FER1L6: variants seen among roughly 807,000 people sequenced by gnomAD.
FER1L6 encodes the protein fer-1-like protein 6.
Under a neutral mutation model 219.2 loss-of-function variants are expected in FER1L6, and 177 were observed. The ratio of observed to expected loss-of-function variants is 0.81; its 90% CI spans 0.71 to 0.91. The LOEUF (loss-of-function observed/expected upper bound fraction) is 0.91. Ranked by LOEUF, FER1L6 falls within the 40% of genes least tolerant of loss-of-function variation. The pLI, the probability that FER1L6 is intolerant of heterozygous loss-of-function variation, is 0.00. For synonymous variants in FER1L6, 768 were observed against 824.3 expected (o/e 0.93, Z 1.17); for missense variants, 2,153 against 2,259.9 (o/e 0.95, Z 0.96).
chr8:123,877,849 AAAG>A (rs1207711192), intron 1 of FER1L6, among the ~76,000 whole-genome samples: 1 of 152,160 alleles, frequency 6.6e-6, no homozygotes, highest in African/African-American at 2.4e-5. Context: ...CACTATGAAA[AAAG>A]AATCACCAGC....
At chr8:123,909,145 G>C (rs759627163) in intron 1 of FER1L6, among the ~76,000 whole-genome samples, 3 of 152,134 alleles carry the variant, frequency 2.0e-5, no homozygotes, top group Non-Finnish European at 4.4e-5. Context: ...TATAACAGTG[G>C]GATCCAAATC....
chr8:124,055,571 A>G (rs899948364), intron 22 of FER1L6, among the ~76,000 whole-genome samples: 6 of 151,986 alleles, frequency 3.9e-5, no homozygotes, highest in Non-Finnish European at 7.4e-5. Context: ...CGTTTCCCCT[A>G]CTTTTATAAT....
Position 124,076,248 on chromosome 8 carries a change from T to C in FER1L6, c.4143T>C (p.Ile1381=). The C allele has an allele frequency of 6.2e-7, 1 of 1,614,064 alleles. No homozygotes were observed. The highest frequency in any genetic ancestry group is 8.5e-7 in the Non-Finnish European group (1 of 1,179,942). The change falls in exon 32 of 41, where the codon ATT becomes ATC. Residue 1381 remains isoleucine, a synonymous_variant. Transcript: ENST00000522917. ...CAGATGGCAAATCAGATCCCTACAT[T>C]GTGATCAAGCTTGGCAAGACAGAAA... is the stretch of plus-strand genomic sequence containing the variant. The part of the protein sequence containing the change: ...ADPDGKSDPY[I]VIKLGKTEIK...
In FER1L6 at chr8:123,972,861, C is replaced by T. The variant is rs190747278; in HGVS notation, c.448-573C>T. Among the ~76,000 whole-genome samples, 828 of 152,330 alleles carry T rather than the reference C, an allele frequency of 5.4e-3. 5 individuals carry two copies. The highest frequency in any genetic ancestry group is 8.2e-3 in the Non-Finnish European group (558 of 68,034). On this transcript the variant is annotated intron_variant, in intron 6 of 40. Transcript: ENST00000522917. ...CAACCTGGCACCAGCTCTGCACCTTCCTTTAGAACTTCCTCATCTTGAGAG... is the reference window on the plus strand; with the variant it reads ...CAACCTGGCACCAGCTCTGCACCTTTCTTTAGAACTTCCTCATCTTGAGAG...
intron 34 of FER1L6, among the ~76,000 whole-genome samples, chr8:124,094,593 C>T (rs1822193045): frequency 6.6e-6 from 1 of 152,146 alleles, no homozygotes; most frequent in African/African-American, 2.4e-5. Flanking sequence ...TCAAGCGATT[C>T]TCCTGCCTCA....
At chr8:123,903,317 A>G (rs1486003592) in intron 1 of FER1L6, among the ~76,000 whole-genome samples, 1 of 152,216 alleles carries the variant, frequency 6.6e-6, no homozygotes, top group South Asian at 2.1e-4. Context: ...TGGTATTTCC[A>G]TTTACAAAAT....
intron 2 of FER1L6, among the ~76,000 whole-genome samples, chr8:123,957,514 T>C (rs553656442): frequency 2.0e-5 from 3 of 152,322 alleles, no homozygotes; most frequent in African/African-American, 7.2e-5. Context: ...TCTCTGCTGC[T>C]TTTTCTTAAC....
chr8:124,117,107 G>A (rs1218074019), intron 39 of FER1L6, among the ~76,000 whole-genome samples: 1 of 152,210 alleles, frequency 6.6e-6, no homozygotes, highest in East Asian at 1.9e-4. Context: ...AAGTTGGGAG[G>A]CAGCCTGCTA....
chr8:123,888,153 G>A (rs990545354), intron 1 of FER1L6, among the ~76,000 whole-genome samples: 8 of 151,268 alleles, frequency 5.3e-5, no homozygotes, highest in African/African-American at 1.9e-4. Flanking sequence ...GTCTCACTCT[G>A]TCTCCCATGT....
intron 39 of FER1L6, among the ~76,000 whole-genome samples, chr8:124,104,884 T>C (rs974865639): frequency 2.0e-5 from 3 of 152,204 alleles, no homozygotes; most frequent in African/African-American, 7.2e-5. Flanking sequence ...GAGCTTCTAT[T>C]AAATGATAGG....
At chr8:124,030,683 C>T (rs1818919996) in intron 18 of FER1L6, among the ~76,000 whole-genome samples, 1 of 152,148 alleles carries the variant, frequency 6.6e-6, no homozygotes, top group African/African-American at 2.4e-5. Flanking sequence ...TCCTGTTCTC[C>T]AGGTTCCAGC....
At position 123,977,426 on chromosome 8, in the gene FER1L6, A is replaced by G. The variant is rs1192963006; in HGVS notation, c.880A>G (p.Thr294Ala). The change falls in exon 10 of 41, where the codon ACA (threonine) becomes GCA (alanine). Residue 294 changes from threonine to alanine, a missense_variant. Physicochemically the swap from Thr to Ala is moderately conservative, Grantham distance 58. Coordinates refer to ENST00000522917, the MANE Select transcript of FER1L6 (RefSeq NM_001039112.2). ...CTGGCTGTGTTTTTAGGGGCGAACC[A>G]CAGTGCAGAAGAACTGTGCTGATCC... Reference protein sequence around the residue: ...VSFAGQMGRTTVQKNCADPVW... With the variant: ...VSFAGQMGRTAVQKNCADPVW... 1 of 1,613,416 alleles carries G rather than the reference A, an allele frequency of 6.2e-7. No individual in the cohort carries two copies. Among genetic ancestry groups the G allele is most frequent in the African/African-American group, 1.3e-5 (1 of 75,002 alleles).
rs537221595 is a variant in FER1L6 at position 123,977,240 on chromosome 8, G to A, written c.871-177G>A. Among the ~76,000 whole-genome samples, 7 of 152,340 alleles carry A rather than the reference G, an allele frequency of 4.6e-5. No homozygotes were observed. In the East Asian group the frequency reaches 1.3e-3, roughly 29 times the overall value. On this transcript the variant is annotated intron_variant, in intron 9 of 40. Coordinates refer to ENST00000522917, the MANE Select transcript of FER1L6 (RefSeq NM_001039112.2). ...GACTTTGTCTCAGATACCTGGCACGGTGTCCAGCATAGAGCAGGTCATCAG... is the reference window on the plus strand; with the variant it reads ...GACTTTGTCTCAGATACCTGGCACGATGTCCAGCATAGAGCAGGTCATCAG...
At chr8:123,906,229 C>A (rs1202784063) in intron 1 of FER1L6, among the ~76,000 whole-genome samples, 1 of 152,100 alleles carries the variant, frequency 6.6e-6, no homozygotes, top group Non-Finnish European at 1.5e-5. Context: ...TCTTGGCCAA[C>A]CTTCAGTTGG....
At chr8:123,957,166 ATATGT>A (rs1187205484) in intron 2 of FER1L6, among the ~76,000 whole-genome samples, 1 of 152,220 alleles carries the variant, frequency 6.6e-6, no homozygotes, top group African/African-American at 2.4e-5. Flanking sequence ...TCCTGTAGCC[ATATGT>A]TGTACCTAAC....
chr8:124,075,150 A>G (rs148174670), intron 31 of FER1L6, among the ~76,000 whole-genome samples: 1 of 152,244 alleles, frequency 6.6e-6, no homozygotes, highest in Non-Finnish European at 1.5e-5. Context: ...TTAGCTTACT[A>G]TAACTTTTTT....
At chr8:124,075,431 G>T (rs1262513707) in intron 31 of FER1L6, among the ~76,000 whole-genome samples, 3 of 152,118 alleles carry the variant, frequency 2.0e-5, no homozygotes, top group African/African-American at 7.2e-5. Context: ...AGGTCTTCAA[G>T]GGCACTAACA....
chr8:123,856,316 G>GTATATATATATATATATGTATGTGTA lies in FER1L6; in HGVS notation c.-8+4148_-8+4149insGTATGTGTATATATATATATATATAT, dbSNP rs1816647163. Among the ~76,000 whole-genome samples, 3 of 45,112 alleles carry GTATATATATATATATATGTATGTGTA rather than the reference G, an allele frequency of 6.7e-5. 1 individual carries two copies. The highest frequency in any genetic ancestry group is 1.4e-4 in the Non-Finnish European group (3 of 21,690). 29.6% of individuals were successfully genotyped at this position (45,112 alleles called of 152,430 possible). On this transcript the variant is annotated intron_variant, in intron 1 of 40. Transcript: ENST00000522917. ...TGTATATATATATATATATGTATGT[G>GTATATATATATATATATGTATGTGTA]TATATATATATATATATATATATAT...
chr8:123,923,308 C>A (rs1172655163), intron 1 of FER1L6, among the ~76,000 whole-genome samples: 2 of 152,178 alleles, frequency 1.3e-5, no homozygotes, highest in Non-Finnish European at 2.9e-5. Context: ...GAAGCAACTT[C>A]GTCAATGTCA....
Sources: allele counts gnomAD v4.1 joint callset (sites outside exome capture counted in the v4.1 genomes callset), GRCh38; gene constraint gnomAD v4.1.1; transcripts MANE v1.5; gene names NCBI Gene and HGNC (gene_info 2026-07-23, HGNC 2026-07-21).